CD72: variants seen among roughly 807,000 people sequenced by gnomAD.
CD72 encodes the protein B-cell differentiation antigen CD72.
A neutral mutation model predicts 50.7 loss-of-function variants in CD72; 28 were observed. That is an observed-to-expected ratio of 0.55 (90% CI 0.41 to 0.76). The LOEUF (loss-of-function observed/expected upper bound fraction) is 0.76. Ranked by LOEUF, CD72 falls within the 30% of genes least tolerant of loss-of-function variation. The pLI, the probability that CD72 is intolerant of heterozygous loss-of-function variation, is 0.00. For synonymous variants in CD72, 176 were observed against 171.2 expected, an observed-to-expected ratio of 1.03 and a Z score of -0.22; for missense variants, 403 against 420.6, an observed-to-expected ratio of 0.96 and a Z score of 0.37.
chr9:35,614,739 G>A (rs543152240), intron 5 of CD72, among the ~76,000 whole-genome samples: 12 of 152,220 alleles, frequency 7.9e-5, no homozygotes, highest in Admixed American at 4.6e-4. Flanking sequence ...GGTGGCTCAC[G>A]ACTGTAATCT....
intron 8 of CD72, 36 bp from the exon 9 acceptor site, chr9:35,610,336 A>C: frequency 2.9e-6 from 1 of 341,848 alleles, no homozygotes; most frequent in South Asian, 5.6e-5. Context: ...TCCATGGTTG[A>C]CTTAACTGAA....
At chr9:35,613,198 T>A (rs1823013246) in intron 5 of CD72, among the ~76,000 whole-genome samples, 1 of 152,126 alleles carries the variant, frequency 6.6e-6, no homozygotes, top group Non-Finnish European at 1.5e-5. Flanking sequence ...CAACATTACT[T>A]CTTAGCAATC....
intron 3 of CD72, 108 bp downstream of exon 3, chr9:35,617,068 C>T: frequency 1.3e-6 from 2 of 1,496,514 alleles, no homozygotes; most frequent in Non-Finnish European, 1.8e-6. Context: ...AAGGACTGCG[C>T]CCGGGTTTAT....
chr9:35,628,900 G>A (rs1017130189), intron 1 of CD72, among the ~76,000 whole-genome samples: 7 of 152,042 alleles, frequency 4.6e-5, no homozygotes. Context: ...TTTGAGACAG[G>A]ATCTTGCTCT....
chr9:35,616,456 C>T, intron 4 of CD72, 144 bp downstream of exon 4: 1 of 858,154 alleles, frequency 1.2e-6, no homozygotes, highest in South Asian at 1.5e-5. Flanking sequence ...TTCAGGAAGA[C>T]AACAGCCCTG....
At chr9:35,623,018 G>A (rs542599749), upstream of CD72, among the ~76,000 whole-genome samples, 20 of 151,840 alleles carry the variant, frequency 1.3e-4, no homozygotes, top group African/African-American at 4.8e-4. Context: ...GAGTGGGGAG[G>A]ATTGTTTGAG....
At chr9:35,646,615 G>A (rs535102162) in exon 1 of CD72, 1 of 152,374 alleles carries the variant, frequency 6.6e-6, no homozygotes, top group African/African-American at 2.4e-5. Flanking sequence ...CAGAGAATCC[G>A]GGCTGGGGGA....
At chr9:35,630,527 C>T (rs1823235722) in intron 1 of CD72, among the ~76,000 whole-genome samples, 3 of 152,084 alleles carry the variant, frequency 2.0e-5, no homozygotes, top group Admixed American at 2.0e-4. Flanking sequence ...TCTGTTTATT[C>T]CCATCTTGTT....
chr9:35,616,936 T>C (rs1321961931), intron 3 of CD72: 30 of 1,379,300 alleles, frequency 2.2e-5, no homozygotes, highest in South Asian at 3.0e-5. Context: ...GAAGGAAATA[T>C]CAGACGGAGA....
intron 6 of CD72, 81 bp downstream of exon 6, chr9:35,612,767 G>A (rs761421234): frequency 1.5e-6 from 2 of 1,316,642 alleles, no homozygotes; most frequent in African/African-American, 2.9e-5. Flanking sequence ...AGCCATGTGT[G>A]CACTGCCATT....
At chr9:35,636,116 G>T (rs1823287718) in intron 1 of CD72, among the ~76,000 whole-genome samples, 1 of 152,112 alleles carries the variant, frequency 6.6e-6, no homozygotes, top group Non-Finnish European at 1.5e-5. Flanking sequence ...TTTTGGGTGA[G>T]AAATTCCTTA....
chr9:35,616,858 C>T, intron 3 of CD72, 169 bp from the exon 4 acceptor site: 1 of 1,026,350 alleles, frequency 9.7e-7, no homozygotes, highest in Non-Finnish European at 1.4e-6. Flanking sequence ...GGGTGTTTCG[C>T]AGGTAGGGGA....
rs190054890 is a variant in CD72, at chr9:35,613,942, T to C, written c.689-949A>G. Among the ~76,000 whole-genome samples the C allele has an allele frequency of 4.0e-5, 6 of 151,726 alleles. No homozygotes were observed. In the East Asian group the frequency reaches 1.2e-3, roughly 30 times the overall value. On this transcript the variant is annotated intron_variant, in intron 5 of 8. Coordinates refer to ENST00000259633, the MANE Select transcript of CD72 (RefSeq NM_001782.3). ...ATAGCTTGAATCCAGGAGGCAGAGG[T>C]TGCAGTGAGCCCAGATCACACCACT... is the stretch of plus-strand genomic sequence containing the variant.
upstream of CD72, among the ~76,000 whole-genome samples, chr9:35,621,847 G>A (rs574980574): frequency 6.6e-6 from 1 of 152,190 alleles, no homozygotes; most frequent in Non-Finnish European, 1.5e-5. Flanking sequence ...AGCTGGAAAA[G>A]GCAAGGAAGC....
At chr9:35,638,899 C>A (rs1327943760) in intron 1 of CD72, among the ~76,000 whole-genome samples, 3 of 152,240 alleles carry the variant, frequency 2.0e-5, no homozygotes, top group East Asian at 1.9e-4. Context: ...GCTGTTAATT[C>A]TGACAAGCTA....
In CD72 at chr9:35,612,994, C is replaced by T; in HGVS notation, c.689-1G>A. ...ATCCATCCCGACGGACAGCAGGTGTCTAAAAAGCAGAAAGAGTGTGATAGC... is the reference window on the plus strand; with the variant it reads ...ATCCATCCCGACGGACAGCAGGTGTTTAAAAAGCAGAAAGAGTGTGATAGC... On this transcript the variant is annotated splice_acceptor_variant, in intron 5 of 8. Coordinates refer to ENST00000259633, the MANE Select transcript of CD72 (RefSeq NM_001782.3). LOFTEE classifies it high-confidence loss of function. The T allele has an allele frequency of 6.2e-7, 1 of 1,606,864 alleles. No individual in the cohort carries two copies. The highest frequency in any genetic ancestry group is 8.5e-7 in the Non-Finnish European group (1 of 1,175,370).
intron 1 of CD72, among the ~76,000 whole-genome samples, chr9:35,641,798 G>A (rs779166579): frequency 3.6e-4 from 55 of 152,034 alleles, no homozygotes; most frequent in Admixed American, 2.0e-4. Flanking sequence ...TGGTGACCCC[G>A]GCAGTGTAAG....
chr9:35,622,396 T>C (rs1039948138), upstream of CD72, among the ~76,000 whole-genome samples: 4 of 152,200 alleles, frequency 2.6e-5, no homozygotes, highest in Non-Finnish European at 5.9e-5. Context: ...CTGTGCTTAA[T>C]GGCACAGAGC....
upstream of CD72, among the ~76,000 whole-genome samples, chr9:35,622,533 G>A (rs905020886): frequency 6.6e-6 from 1 of 152,094 alleles, no homozygotes; most frequent in Admixed American, 6.6e-5. Flanking sequence ...GATGGCTCAC[G>A]CCTGTTATCC....
Sources: allele counts gnomAD v4.1 joint callset (sites outside exome capture counted in the v4.1 genomes callset), GRCh38; gene constraint gnomAD v4.1.1; transcripts MANE v1.5; gene names NCBI Gene and HGNC (gene_info 2026-07-23, HGNC 2026-07-21).